Variants in NRG1 observed in about 807,000 individuals in gnomAD.
NRG1 encodes the protein neuregulin 1.
Under a neutral mutation model 63.8 loss-of-function variants are expected in NRG1, and 18 were observed. That is an observed-to-expected ratio of 0.28 (90% CI 0.19 to 0.42). NRG1 has a LOEUF of 0.42. NRG1 is among the 10% of genes least tolerant of loss of function. NRG1 has a pLI of 1.00. For synonymous variants in NRG1, 302 were observed against 301.3 expected (o/e 1.00, Z -0.02); for missense variants, 762 against 814.7 (o/e 0.94, Z 0.79).
intron 5 of NRG1, among the ~76,000 whole-genome samples, chr8:32,699,172 T>C (rs1444577650): frequency 1.3e-5 from 2 of 152,246 alleles, no homozygotes; most frequent in Non-Finnish European, 2.9e-5. Context: ...AAAGAGAGTG[T>C]GTTTGTTCCA....
At chr8:32,760,292 C>G (rs755672846) in exon 11 of NRG1, 2 of 1,614,082 alleles carry the variant, frequency 1.2e-6, no homozygotes, top group South Asian at 1.1e-5. Flanking sequence ...AGCAGCCCAA[C>G]TGGGGGCCCA....
At chr8:32,749,522 CCTTT>C (rs755059054) in intron 7 of NRG1, 44 of 1,611,528 alleles carry the variant, frequency 2.7e-5, no homozygotes, top group Middle Eastern at 1.7e-4. Flanking sequence ...AAACTTTTTC[CCTTT>C]CTTTCTTTTT....
At chr8:32,073,495 T>G (rs1826048217) in intron 1 of NRG1, among the ~76,000 whole-genome samples, 1 of 152,182 alleles carries the variant, frequency 6.6e-6, no homozygotes, top group African/African-American at 2.4e-5. Flanking sequence ...TAATTCCTTA[T>G]CATGGAATTA....
rs528466056 is a variant in NRG1, at chr8:31,951,299, C to A, written c.37+311868C>A. Among the ~76,000 whole-genome samples the A allele has an allele frequency of 1.7e-3, 266 of 152,278 alleles. 1 individual carries two copies. Among genetic ancestry groups the A allele is most frequent in the African/African-American group, 6.0e-3 (250 of 41,554 alleles). On this transcript the variant is annotated intron_variant, in intron 1 of 10. Coordinates refer to the NRG1 transcript ENST00000519301. ...AGGATTTTCTTTCCACCTGAGCAAT[C>A]ACCAGTGAGGGAAAAGTCAGTGGGG...
In NRG1 at chr8:31,719,506, C is replaced by T. The variant is rs571507425; in HGVS notation, c.37+80075C>T. Among the ~76,000 whole-genome samples, 7 of 152,100 alleles carry T rather than the reference C, an allele frequency of 4.6e-5. No individual in the cohort carries two copies. In the South Asian group the frequency reaches 1.2e-3, roughly 27 times the overall value. ...TTGTGGAAAAGAAATAATTAAGTCC[C>T]GAAGTTAGGGGTAGAAGAGAATGGA... On this transcript the variant is annotated intron_variant, in intron 1 of 10. Transcript: ENST00000519301.
intron 1 of NRG1, among the ~76,000 whole-genome samples, chr8:31,779,564 C>G (rs1819482319): frequency 6.6e-6 from 1 of 152,044 alleles, no homozygotes. Flanking sequence ...AAAGCAGTTG[C>G]TTTTAAACTT....
At chr8:32,165,506 A>G (rs548529142) in intron 1 of NRG1, among the ~76,000 whole-genome samples, 2 of 152,312 alleles carry the variant, frequency 1.3e-5, no homozygotes, top group Admixed American at 1.3e-4. Context: ...AAACAAAAGA[A>G]AAAAGAAAAC....
At chr8:32,667,048 G>A (rs537992829) in intron 5 of NRG1, among the ~76,000 whole-genome samples, 9 of 152,180 alleles carry the variant, frequency 5.9e-5, no homozygotes, top group Non-Finnish European at 7.4e-5. Context: ...CCATTTCATC[G>A]CTGTACGAAC....
intron 1 of NRG1, among the ~76,000 whole-genome samples, chr8:32,216,719 T>C (rs1029102072): frequency 6.6e-6 from 1 of 150,686 alleles, no homozygotes; most frequent in Non-Finnish European, 1.5e-5. Context: ...GTAAATATAT[T>C]ACTTTATGAT....
intron 1 of NRG1, among the ~76,000 whole-genome samples, chr8:31,807,329 TG>T: frequency 6.6e-6 from 1 of 152,300 alleles, no homozygotes; most frequent in Middle Eastern, 3.4e-3. Flanking sequence ...ACAGTAGTGA[TG>T]GTTTTTGTTT....
intron 2 of NRG1, among the ~76,000 whole-genome samples, chr8:32,603,387 A>G (rs1360003052): frequency 2.0e-5 from 3 of 152,134 alleles, no homozygotes; most frequent in African/African-American, 7.2e-5. Context: ...TATTTCACCT[A>G]ATATTTTCCA....
intron 1 of NRG1, among the ~76,000 whole-genome samples, chr8:32,137,050 A>C (rs1228308097): frequency 6.6e-6 from 1 of 152,194 alleles, no homozygotes; most frequent in Non-Finnish European, 1.5e-5. Context: ...TGAATCAATA[A>C]ACATGGGGGT....
chr8:32,189,886 A>G (rs1319939721), intron 1 of NRG1, among the ~76,000 whole-genome samples: 1 of 152,164 alleles, frequency 6.6e-6, no homozygotes, highest in Non-Finnish European at 1.5e-5. Flanking sequence ...TTATAGAAGG[A>G]TCTAGTAGAT....
At chr8:31,794,590 A>G (rs767954662) in intron 1 of NRG1, among the ~76,000 whole-genome samples, 7 of 151,936 alleles carry the variant, frequency 4.6e-5, no homozygotes, top group Non-Finnish European at 8.8e-5. Context: ...CTATTTGTCA[A>G]TATTTTACTT....
rs151163844 is a variant in NRG1 at position 32,550,287 on chromosome 8, A to C, written c.100+1461A>C. On this transcript the variant is annotated intron_variant, in intron 1 of 11. Transcript: ENST00000356819. The stretch of plus-strand genomic sequence containing the variant: ...ACCCTATATTTTGGGGAGAGACCAT[A>C]GCACTTTATTCAACAAGATAGGAAA... 1.2e-3 allele frequency among the ~76,000 whole-genome samples: 179 copies of C among 152,278 alleles called. 1 individual carries two copies. Among genetic ancestry groups the C allele is most frequent in the Admixed American group, 3.1e-3 (47 of 15,304 alleles).
chr8:32,256,078 G>A (rs539381222), intron 1 of NRG1, among the ~76,000 whole-genome samples: 1 of 152,190 alleles, frequency 6.6e-6, no homozygotes, highest in African/African-American at 2.4e-5. Context: ...ATGTTCTTCT[G>A]TAAAGTGGTT....
chr8:32,165,202 G>A lies in NRG1; in HGVS notation c.38-430626G>A, dbSNP rs1489228102. Among the ~76,000 whole-genome samples the A allele has an allele frequency of 2.7e-5, 4 of 150,938 alleles. 1 individual carries two copies. The highest frequency in any genetic ancestry group is 2.1e-4 in the South Asian group (1 of 4,770). On this transcript the variant is annotated intron_variant, in intron 1 of 10. Transcript: ENST00000519301. ...TGCACAGGCTGAAGTGCAGTGCCTC[G>A]AACATAGTTCACTGCAGCCTTGAAC...
chr8:31,676,405 C>T (rs963961899), intron 1 of NRG1, among the ~76,000 whole-genome samples: 17 of 152,110 alleles, frequency 1.1e-4, no homozygotes, highest in African/African-American at 3.4e-4. Flanking sequence ...ACTTTCTTCC[C>T]CAAGATTTCC....
At chr8:31,831,789 A>G (rs1825185588) in intron 1 of NRG1, among the ~76,000 whole-genome samples, 1 of 152,138 alleles carries the variant, frequency 6.6e-6, no homozygotes, top group Non-Finnish European at 1.5e-5. Flanking sequence ...CCCTATGGCT[A>G]TGCCATTTTG....
Sources: allele counts gnomAD v4.1 joint callset (sites outside exome capture counted in the v4.1 genomes callset), GRCh38; gene constraint gnomAD v4.1.1; transcripts MANE v1.5; gene names NCBI Gene and HGNC (gene_info 2026-07-23, HGNC 2026-07-21).